Variants in BNC2 observed in about 807,000 individuals in gnomAD.
The protein encoded by BNC2 is basonuclin zinc finger protein 2.
Under a neutral mutation model 76.3 loss-of-function variants are expected in BNC2, and 20 were observed. The ratio of observed to expected loss-of-function variants is 0.26; its 90% CI spans 0.18 to 0.38. The LOEUF (loss-of-function observed/expected upper bound fraction) is 0.38. Among genes scored for constraint, BNC2 ranks in the 10% least tolerant of loss-of-function variants. BNC2 has a pLI of 1.00. For missense variants in BNC2, 1,382 were observed against 1,399.8 expected (o/e 0.99, Z 0.20); for synonymous variants, 582 against 514.8 (o/e 1.13, Z -1.77).
intron 1 of BNC2, among the ~76,000 whole-genome samples, chr9:16,812,603 A>T (rs547816984): frequency 7.2e-5 from 11 of 152,290 alleles, no homozygotes; most frequent in African/African-American, 2.6e-4. Context: ...GTTTCATCTT[A>T]AACAGTTTTT....
At chr9:16,525,848 A>C (rs774573640) in intron 5 of BNC2, among the ~76,000 whole-genome samples, 7 of 152,192 alleles carry the variant, frequency 4.6e-5, no homozygotes, top group Non-Finnish European at 7.3e-5. Flanking sequence ...ACTATACCCC[A>C]ATATCACTTA....
At chr9:16,759,974 C>T (rs4961754) in intron 1 of BNC2, among the ~76,000 whole-genome samples, 29,492 of 152,184 alleles carry the variant, frequency 0.19, 3,840 homozygotes, top group East Asian at 0.72. Context: ...CCGCCCACCT[C>T]GGCCTCCCAA....
chr9:16,521,280 A>G (rs1587128115), intron 5 of BNC2, among the ~76,000 whole-genome samples: 2 of 151,874 alleles, frequency 1.3e-5, no homozygotes, highest in African/African-American at 2.4e-5. Flanking sequence ...ATCTCCCTCT[A>G]CCTCCCCTGT....
chr9:16,636,275 T>C (rs756539122), intron 3 of BNC2, among the ~76,000 whole-genome samples: 36 of 152,102 alleles, frequency 2.4e-4, no homozygotes, highest in Non-Finnish European at 4.1e-4. Flanking sequence ...TAGTTCATGG[T>C]TCTAGAAGAT....
rs1447197891 is a variant in BNC2 at position 16,412,074 on chromosome 9, C to G, written c.*6915G>C. The stretch of plus-strand genomic sequence containing the variant: ...ATTTTCATGTATTCTTCCTTTGTAC[C>G]TTTGGTCCCCATCACTCGATTTTCT... On this transcript the variant is annotated 3_prime_UTR_variant, in exon 7 of 7. Coordinates refer to ENST00000380672, the MANE Select transcript of BNC2 (RefSeq NM_017637.6). The G allele has an allele frequency of 6.6e-6, 1 of 152,556 alleles. No homozygotes were observed. Among genetic ancestry groups the G allele is most frequent in the African/African-American group, 2.4e-5 (1 of 41,424 alleles). 9.5% of individuals were successfully genotyped at this position (152,556 alleles called of 1,614,324 possible). A position where few individuals can be genotyped will look rare whatever the true frequency, so the allele number is the denominator to read the frequency against.
intron 3 of BNC2, among the ~76,000 whole-genome samples, chr9:16,600,467 G>C (rs1820215113): frequency 6.6e-6 from 1 of 152,132 alleles, no homozygotes; most frequent in Admixed American, 6.5e-5. Flanking sequence ...TTAAGTGGGT[G>C]TGTATTTGTA....
intron 3 of BNC2, among the ~76,000 whole-genome samples, chr9:16,638,148 C>G (rs929317226): frequency 6.6e-6 from 1 of 152,180 alleles, no homozygotes; most frequent in Non-Finnish European, 1.5e-5. Context: ...CAAGCTTTCT[C>G]GTGATATTTC....
At chr9:16,679,871 C>G (rs1440285833) in intron 3 of BNC2, among the ~76,000 whole-genome samples, 1 of 152,256 alleles carries the variant, frequency 6.6e-6, no homozygotes, top group Non-Finnish European at 1.5e-5. Flanking sequence ...CTCTTTGCCT[C>G]CACCTTCCAC....
At chr9:16,438,553 TGA>T (rs1431841949) in intron 5 of BNC2, among the ~76,000 whole-genome samples, 1 of 152,148 alleles carries the variant, frequency 6.6e-6, no homozygotes, top group Non-Finnish European at 1.5e-5. Context: ...CAGCATGGAT[TGA>T]GAGAGATCTA....
At chr9:16,518,121 A>G (rs1386233288) in intron 5 of BNC2, among the ~76,000 whole-genome samples, 1 of 152,224 alleles carries the variant, frequency 6.6e-6, no homozygotes, top group African/African-American at 2.4e-5. Context: ...TAAAAATATA[A>G]TAATGAAAAT....
chr9:16,656,880 T>C (rs555259458), intron 3 of BNC2, among the ~76,000 whole-genome samples: 2 of 152,162 alleles, frequency 1.3e-5, no homozygotes, highest in African/African-American at 2.4e-5. Context: ...TGCAGAATAA[T>C]GAATGGGGAA....
chr9:16,582,727 T>C (rs1335268790), intron 4 of BNC2, among the ~76,000 whole-genome samples: 1 of 152,156 alleles, frequency 6.6e-6, no homozygotes, highest in Non-Finnish European at 1.5e-5. Context: ...AGTAAGAACT[T>C]CACAGCCCAA....
intron 3 of BNC2, among the ~76,000 whole-genome samples, chr9:16,591,249 G>C (rs527484094): frequency 4.9e-4 from 75 of 152,270 alleles, no homozygotes; most frequent in African/African-American, 1.8e-3. Context: ...CTTAAGACCA[G>C]CATGAACTAC....
chr9:16,646,683 C>A (rs556293204), intron 3 of BNC2, among the ~76,000 whole-genome samples: 1 of 152,222 alleles, frequency 6.6e-6, no homozygotes, highest in South Asian at 2.1e-4. Flanking sequence ...TGAGTATACA[C>A]ATTTTGTCAC....
In BNC2 at chr9:16,504,942, G is replaced by C. The variant is rs74830088; in HGVS notation, c.669+47588C>G. ...ATTCTAGGTAACATTATTTTAAACA[G>C]TGTCATCTTTGGAATTTCTTTATCA... On this transcript the variant is annotated intron_variant, in intron 5 of 6. Coordinates refer to ENST00000380672, the MANE Select transcript of BNC2 (RefSeq NM_017637.6). Among the ~76,000 whole-genome samples, 1,446 of 152,270 alleles carry C rather than the reference G, an allele frequency of 9.5e-3. 33 individuals are homozygous for C. Among genetic ancestry groups the C allele is most frequent in the African/African-American group, 0.032 (1,336 of 41,546 alleles).
chr9:16,693,344 C>G (rs1823239081), intron 3 of BNC2, among the ~76,000 whole-genome samples: 1 of 152,096 alleles, frequency 6.6e-6, no homozygotes, highest in African/African-American at 2.4e-5. Flanking sequence ...ACCCAACCCT[C>G]TGGGGGTGGG....
chr9:16,631,451 C>T (rs748054556), intron 3 of BNC2, among the ~76,000 whole-genome samples: 1 of 152,014 alleles, frequency 6.6e-6, no homozygotes. Context: ...TGCAACAGAG[C>T]GAATCTGTTA....
chr9:16,816,588 TA>T (rs1430346541), intron 1 of BNC2, among the ~76,000 whole-genome samples: 1 of 152,040 alleles, frequency 6.6e-6, no homozygotes, highest in South Asian at 2.1e-4. Context: ...ATAGGTGAAA[TA>T]AATGGCAAAT....
chr9:16,791,283 G>A (rs189168294), intron 1 of BNC2, among the ~76,000 whole-genome samples: 7 of 151,900 alleles, frequency 4.6e-5, no homozygotes, highest in African/African-American at 2.4e-5. Flanking sequence ...GGATGGTCTC[G>A]ATCTCCTGAC....
Sources: allele counts gnomAD v4.1 joint callset (sites outside exome capture counted in the v4.1 genomes callset), GRCh38; gene constraint gnomAD v4.1.1; transcripts MANE v1.5; gene names NCBI Gene and HGNC (gene_info 2026-07-23, HGNC 2026-07-21).